Variants in PCDHGB7 observed in about 807,000 individuals in gnomAD.
PCDHGB7 encodes the protein protocadherin gamma subfamily B, 7.
A neutral mutation model predicts 61.4 loss-of-function variants in PCDHGB7; 37 were observed. The ratio of observed to expected loss-of-function variants is 0.60; its 90% CI spans 0.46 to 0.79. The LOEUF (loss-of-function observed/expected upper bound fraction) is 0.79, where lower values mean the gene tolerates loss of function less well. PCDHGB7 is among the 30% of genes least tolerant of loss of function. The probability of loss-of-function intolerance (pLI) is 0.00; values close to 1 mark genes in which losing one functional copy is unlikely to be tolerated. For synonymous variants in PCDHGB7, 464 were observed against 503.5 expected (o/e 0.92, Z 1.05); for missense variants, 1,166 against 1,202.5 (o/e 0.97, Z 0.45).
chr5:141,511,400 T>A lies in PCDHGB7; in HGVS notation c.*227T>A, dbSNP rs1208021848. On this transcript the variant is annotated 3_prime_UTR_variant, in exon 4 of 4. Coordinates refer to ENST00000398594, the MANE Select transcript of PCDHGB7 (RefSeq NM_018927.4). ...AGTTCCGCTGGGAACCCCCATCCAA[T>A]CAACTGCTGTACCCATGGGGGTAGT... 1.1e-5 allele frequency: 11 copies of A among 982,132 alleles called. No individual in the cohort carries two copies. Among genetic ancestry groups the A allele is most frequent in the African/African-American group, 3.3e-5 (2 of 60,924 alleles). 60.8% of individuals were successfully genotyped at this position (982,132 alleles called of 1,614,324 possible).
chr5:141,447,388 T>C (rs1302757515), intron 1 of PCDHGB7, among the ~76,000 whole-genome samples: 3 of 152,166 alleles, frequency 2.0e-5, no homozygotes, highest in African/African-American at 7.2e-5. Flanking sequence ...TCTGCCCACC[T>C]CGGCCTCCCA....
At chr5:141,421,520 A>G (rs749034718) in intron 1 of PCDHGB7, 2 of 1,614,068 alleles carry the variant, frequency 1.2e-6, no homozygotes, top group Non-Finnish European at 8.5e-7. Flanking sequence ...GAGCTCTGTG[A>G]GACGGTGTCC....
chr5:141,462,818 C>T (rs1280335120), intron 1 of PCDHGB7, among the ~76,000 whole-genome samples: 1 of 152,120 alleles, frequency 6.6e-6, no homozygotes, highest in East Asian at 1.9e-4. Flanking sequence ...TTTTATTGGA[C>T]AGCAGACATT....
At chr5:141,500,789 C>G (rs1006758925) in intron 2 of PCDHGB7, among the ~76,000 whole-genome samples, 2 of 152,142 alleles carry the variant, frequency 1.3e-5, no homozygotes, top group African/African-American at 4.8e-5. Flanking sequence ...TATTATTTTA[C>G]AGAATAAGTC....
rs1028054307 is a variant in PCDHGB7 at position 141,417,708 on chromosome 5, G to A, written c.-152G>A. The A allele has an allele frequency of 2.4e-5, 29 of 1,227,762 alleles. No homozygotes were observed. In the South Asian group the frequency reaches 2.9e-4, roughly 12 times the overall value. 76.1% of individuals were successfully genotyped at this position (1,227,762 alleles called of 1,614,324 possible). On this transcript the variant is annotated 5_prime_UTR_variant, in exon 1 of 4. Transcript: ENST00000398594. ...AAAGAAAACCAGCTCCCACACAGAG[G>A]CTCCCGGCTGCGCAGACCTTGCCCA... is the stretch of plus-strand genomic sequence containing the variant.
intron 1 of PCDHGB7, chr5:141,423,883 A>T (rs1211746978): frequency 1.6e-6 from 2 of 1,283,342 alleles, no homozygotes; most frequent in Admixed American, 7.5e-5. Context: ...CAATCTTGGC[A>T]TATTTTCTTT....
chr5:141,417,867 G>C lies in PCDHGB7; in HGVS notation c.8G>C (p.Gly3Ala), dbSNP rs1182017096. 1.9e-6 allele frequency: 3 copies of C among 1,552,610 alleles called. No homozygotes were observed. The highest frequency in any genetic ancestry group is 2.7e-5 in the African/African-American group (2 of 73,150). The change falls in exon 1 of 4, where the codon GGG (glycine) becomes GCG (alanine). Residue 3 changes from glycine (G) to alanine (A), a missense_variant. Physicochemically the swap from Gly to Ala is moderately conservative, Grantham distance 60. Transcript: ENST00000398594. ...CGAGAACCCGAGCGAACGATGGGAGGGAGCTGCGCGCAGAGGCGCCGGGCC... is the reference window on the plus strand; with the variant it reads ...CGAGAACCCGAGCGAACGATGGGAGCGAGCTGCGCGCAGAGGCGCCGGGCC... MG[G>A]SCAQRRRAGP...
In PCDHGB7 at chr5:141,489,782, A is replaced by C. The variant is rs770399288; in HGVS notation, c.2416-5025A>C. On this transcript the variant is annotated intron_variant, in intron 1 of 3. Coordinates refer to ENST00000398594, the MANE Select transcript of PCDHGB7 (RefSeq NM_018927.4). The surrounding 1 kb of genome is among the most constrained non-coding windows in gnomAD (Gnocchi z 4.5). ...AGCCCCAACAGCCACTTCTCTCTGA[A>C]TGTGAAGACCCTAAAAGATGGGAAG... 2 of 1,614,078 alleles carry C rather than the reference A, an allele frequency of 1.2e-6. No homozygotes were observed. The highest frequency in any genetic ancestry group is 2.2e-5 in the East Asian group (1 of 44,894).
chr5:141,451,069 C>G (rs2098705799), intron 1 of PCDHGB7, among the ~76,000 whole-genome samples: 1 of 151,836 alleles, frequency 6.6e-6, no homozygotes, highest in Non-Finnish European at 1.5e-5. Flanking sequence ...ACCTTGTGAT[C>G]CACCCACCTT....
chr5:141,446,692 G>T (rs543476108), intron 1 of PCDHGB7, among the ~76,000 whole-genome samples: 2 of 152,280 alleles, frequency 1.3e-5, no homozygotes, highest in African/African-American at 4.8e-5. Context: ...TGGCCAGGCT[G>T]GTCTCGAACT....
At chr5:141,472,058 C>T (rs149583469) in intron 1 of PCDHGB7, among the ~76,000 whole-genome samples, 114 of 152,176 alleles carry the variant, frequency 7.5e-4, no homozygotes, top group African/African-American at 2.6e-3. Context: ...AAATGATTGA[C>T]ATGTCTGTGG....
intron 1 of PCDHGB7, among the ~76,000 whole-genome samples, chr5:141,450,379 A>C (rs1269979263): frequency 6.6e-6 from 1 of 152,144 alleles, no homozygotes; most frequent in Non-Finnish European, 1.5e-5. Flanking sequence ...GTTTATATGA[A>C]ACTGACATTT....
chr5:141,511,428 G>T lies in PCDHGB7; in HGVS notation c.*255G>T. 1 of 769,024 alleles carries T rather than the reference G, an allele frequency of 1.3e-6. No homozygotes were observed. The highest frequency in any genetic ancestry group is 2.0e-6 in the Non-Finnish European group (1 of 504,448). 47.6% of individuals were successfully genotyped at this position (769,024 alleles called of 1,614,324 possible). ...ACTGCTGTACCCATGGGGGTAGTGG[G>T]GTTACTGTAGACACCAAGAACCATT... On this transcript the variant is annotated 3_prime_UTR_variant, in exon 4 of 4. Transcript: ENST00000398594.
At chr5:141,422,287 A>G in intron 1 of PCDHGB7, 3 of 1,553,500 alleles carry the variant, frequency 1.9e-6, no homozygotes, top group South Asian at 1.3e-5. Context: ...CACCTCTTCT[A>G]TTAATTCAAT....
intron 1 of PCDHGB7, chr5:141,422,513 G>A (rs765955739): frequency 6.2e-7 from 1 of 1,614,000 alleles, no homozygotes. Context: ...ACAGACCAGG[G>A]AAGCCCGCCT....
At position 141,419,689 on chromosome 5, in the gene PCDHGB7, G is replaced by T; in HGVS notation, c.1830G>T (p.Gln610His). The change falls in exon 1 of 4, where the codon CAG (glutamine) becomes CAT (histidine). Residue 610 changes from glutamine to histidine, a missense_variant. Physicochemically the swap from Gln to His is conservative, Grantham distance 24 (BLOSUM62 0). Coordinates refer to ENST00000398594, the MANE Select transcript of PCDHGB7 (RefSeq NM_018927.4). ...CCTGGCTGTCCTACCACGTGGTGCA[G>T]GCCAGTGAGCCCGGGCTCTTCAGCC... is the stretch of plus-strand genomic sequence containing the variant. The part of the protein sequence containing the change: ...HNAWLSYHVV[Q>H]ASEPGLFSLG... 6.2e-7 allele frequency: 1 copy of T among 1,613,000 alleles called. No homozygotes were observed. Among genetic ancestry groups the T allele is most frequent in the African/African-American group, 1.3e-5 (1 of 75,078 alleles).
chr5:141,497,413 T>C (rs572922456), intron 2 of PCDHGB7, among the ~76,000 whole-genome samples: 8 of 152,046 alleles, frequency 5.3e-5, no homozygotes, highest in Admixed American at 5.2e-4. Context: ...TCCCATTCCA[T>C]CAAATGAGAG....
chr5:141,420,284 TA>T lies in PCDHGB7; in HGVS notation c.2415+15del. 1.3e-6 allele frequency: 2 copies of T among 1,505,934 alleles called. No homozygotes were observed. Among genetic ancestry groups the T allele is most frequent in the East Asian group, 2.3e-5 (1 of 44,092 alleles). The allele number at this position is 1,505,934 out of a possible 1,614,324, so 93.3% of individuals were successfully genotyped here. A position where few individuals can be genotyped will look rare whatever the true frequency, so the allele number is the denominator to read the frequency against. ...GAAGATTCTTAAACAGGTAAGTATT[TA>T]AAAATGTATTTAATCCTTTTTATAT... On this transcript the variant is annotated intron_variant, in intron 1 of 3. Transcript: ENST00000398594.
Position 141,486,954 on chromosome 5 carries a change from C to T in PCDHGB7, c.2416-7853C>T, listed in dbSNP as rs764632268. 3.7e-6 allele frequency: 6 copies of T among 1,614,114 alleles called. 1 individual carries two copies. The South Asian group carries it at 6.6e-5, about 18-fold the overall frequency. On this transcript the variant is annotated intron_variant, in intron 1 of 3. Coordinates refer to ENST00000398594, the MANE Select transcript of PCDHGB7 (RefSeq NM_018927.4). The surrounding 1 kb of genome is among the most constrained non-coding windows in gnomAD (Gnocchi z 5.0). ...GCTGGCCACCTAATCACAAAGGTGA[C>T]TGCTGTGGACTTGGATTCAGGTTAC...
Sources: gnomAD v4.1 joint callset for allele counts (sites outside exome capture counted in the v4.1 genomes callset) on GRCh38, gnomAD v4.1.1 for gene constraint, Gnocchi (gnomAD v3.1) non-coding constraint, MANE v1.5 for transcripts, NCBI Gene and HGNC (gene_info 2026-07-23, HGNC 2026-07-21) for gene names.